Variants in SEC16B observed in about 807,000 individuals in gnomAD.
SEC16B encodes the protein SEC16 homolog B, endoplasmic reticulum export factor.
Under a neutral mutation model 141.8 loss-of-function variants are expected in SEC16B, and 115 were observed. That is an observed-to-expected ratio of 0.81 (90% confidence interval 0.70 to 0.95). The LOEUF is 0.95. SEC16B is among the 40% of genes least tolerant of loss of function. The pLI is 0.00. For synonymous variants in SEC16B, 493 were observed against 492.5 expected, an observed-to-expected ratio of 1.00 and a Z score of -0.01; for missense variants, 1,291 against 1,312.3, an observed-to-expected ratio of 0.98 and a Z score of 0.25.
At chr1:177,951,201 T>C (rs540312030) in intron 12 of SEC16B, among the ~76,000 whole-genome samples, 18 of 152,186 alleles carry the variant, frequency 1.2e-4, no homozygotes, top group Non-Finnish European at 2.4e-4. Flanking sequence ...TTGAAGGATA[T>C]AATCCAAGAA....
rs529645104 is a variant in SEC16B, at chr1:177,961,487, G to A, written c.787+103C>T. On this transcript the variant is annotated intron_variant, in intron 6 of 25. Coordinates refer to ENST00000308284, the MANE Select transcript of SEC16B (RefSeq NM_033127.4). ...GCCCAGGTGACCTACATAAGCAAATGAGGTGGACAATGATCCATCGTAAGG... is the reference window on the plus strand; with the variant it reads ...GCCCAGGTGACCTACATAAGCAAATAAGGTGGACAATGATCCATCGTAAGG... 12 of 1,284,320 alleles carry A rather than the reference G, an allele frequency of 9.3e-6. No homozygotes were observed. In the East Asian group the frequency reaches 2.9e-4, roughly 31 times the overall value. 79.6% of individuals were successfully genotyped at this position (1,284,320 alleles called of 1,614,324 possible).
intron 1 of SEC16B, among the ~76,000 whole-genome samples, chr1:177,968,309 A>G (rs1477123404): frequency 6.6e-6 from 1 of 152,220 alleles, no homozygotes; most frequent in African/African-American, 2.4e-5. Context: ...GATAACAATA[A>G]TAGGTACAGC....
intron 1 of SEC16B, 32 bp from the exon 2 acceptor site, chr1:177,968,071 A>T (rs1243411889): frequency 3.8e-6 from 5 of 1,298,800 alleles, no homozygotes; most frequent in Non-Finnish European, 5.2e-6. Flanking sequence ...AAAAATCATC[A>T]CTTGAAGCCT....
At chr1:177,973,612 G>T (rs145144085), upstream of SEC16B, among the ~76,000 whole-genome samples, 326 of 152,292 alleles carry the variant, frequency 2.1e-3, 1 homozygote, top group African/African-American at 7.3e-3. Flanking sequence ...ACTGTGCTCA[G>T]TCTGCTTTTC....
At chr1:177,960,704 C>T in intron 7 of SEC16B, 87 bp downstream of exon 7, 1 of 1,417,454 alleles carries the variant, frequency 7.1e-7, no homozygotes, top group Non-Finnish European at 9.5e-7. Context: ...GATGCCCCGG[C>T]TCAGGCACAG....
rs10715123 is a variant in SEC16B, at chr1:177,950,151, TAAA to T, written c.1545+1760_1545+1762del. 3.8e-4 allele frequency among the ~76,000 whole-genome samples: 57 copies of T among 149,444 alleles called. 1 individual carries two copies. The Middle Eastern group carries it at 0.01, about 27-fold the overall frequency. Reference sequence around the variant, plus strand: ...AATTAGCCACAAGCCATAAGAAGGATAAAAAAAAAAAATGAAAAGTGTGAGGTC... The same window carrying T: ...AATTAGCCACAAGCCATAAGAAGGATAAAAAAAAATGAAAAGTGTGAGGTC... On this transcript the variant is annotated intron_variant, in intron 12 of 25. Coordinates refer to ENST00000308284, the MANE Select transcript of SEC16B (RefSeq NM_033127.4).
rs771531066 is a variant in SEC16B at position 177,954,322 on chromosome 1, A to G, written c.1420T>C (p.Ser474Pro). The stretch of plus-strand genomic sequence containing the variant: ...TAGGTCTGTGGGTCCATCTTGCTGG[A>G]CAGGAACAAAGCATGGCCCCACAAG... ...NHLWGHALFL[S>P]SKMDPQTYSW... Residue 474 changes from serine (S) to proline (P), a missense_variant, in exon 11 of 26, where the codon TCC becomes CCC. By Grantham distance (74) the Ser-to-Pro change is moderately conservative (BLOSUM62 -1). This residue lies in a region of SEC16B where 681 missense variants were observed against 675.5 expected (regional missense o/e 1.01). Coordinates refer to ENST00000308284, the MANE Select transcript of SEC16B (RefSeq NM_033127.4). 3.2e-6 allele frequency: 5 copies of G among 1,574,484 alleles called. No individual in the cohort carries two copies. Among genetic ancestry groups the G allele is most frequent in the Admixed American group, 1.8e-5 (1 of 54,696 alleles).
intron 18 of SEC16B, among the ~76,000 whole-genome samples, chr1:177,938,893 G>T (rs147808388): frequency 6.6e-6 from 1 of 152,218 alleles, no homozygotes; most frequent in African/African-American, 2.4e-5. Context: ...AAACTAAGGT[G>T]TGGACCTATA....
At chr1:177,944,499 C>CA in intron 15 of SEC16B, 62 bp downstream of exon 15, 3 of 1,371,000 alleles carry the variant, frequency 2.2e-6, no homozygotes, top group Non-Finnish European at 3.1e-6. Context: ...AGCAAAGCTG[C>CA]AAATACAGCT....
chr1:177,948,390 C>T (rs1651906124), intron 12 of SEC16B: 1 of 1,304,724 alleles, frequency 7.7e-7, no homozygotes, highest in East Asian at 5.5e-5. Context: ...AATGTCTTAC[C>T]AAATGCCTAT....
chr1:177,936,773 C>A (rs1269906879), intron 19 of SEC16B, among the ~76,000 whole-genome samples: 2 of 152,202 alleles, frequency 1.3e-5, no homozygotes, highest in Non-Finnish European at 2.9e-5. Context: ...CATACTCAGC[C>A]CTTGTTGTCG....
At chr1:177,944,440 T>C (rs112056069) in intron 15 of SEC16B, 121 bp downstream of exon 15, 11,537 of 727,678 alleles carry the variant, frequency 0.016, 148 homozygotes, top group South Asian at 0.018. Flanking sequence ...CTTAAGCTAA[T>C]GAGGAAAAGT....
intron 12 of SEC16B, chr1:177,948,430 C>T: frequency 7.7e-7 from 1 of 1,304,344 alleles, no homozygotes; most frequent in Non-Finnish European, 1.0e-6. Context: ...CCCATTCACA[C>T]ACATCCTCTT....
chr1:177,957,460 G>T (rs1296355607), intron 10 of SEC16B, among the ~76,000 whole-genome samples: 1 of 151,934 alleles, frequency 6.6e-6, no homozygotes, highest in Non-Finnish European at 1.5e-5. Context: ...TATATGCATG[G>T]GAAAATGCTG....
intron 5 of SEC16B, 21 bp from the exon 6 acceptor site, chr1:177,961,755 C>T (rs1156570972): frequency 6.2e-7 from 1 of 1,611,878 alleles, no homozygotes; most frequent in Non-Finnish European, 8.5e-7. Flanking sequence ...AAAACAAAAA[C>T]ACACAGGAAG....
intron 1 of SEC16B, among the ~76,000 whole-genome samples, chr1:177,982,599 C>G (rs1296881802): frequency 6.6e-6 from 1 of 152,218 alleles, no homozygotes; most frequent in Non-Finnish European, 1.5e-5. Flanking sequence ...TCTCCTACAA[C>G]TTCCAAAGTC....
At chr1:177,944,781 G>A in intron 14 of SEC16B, 115 bp from the exon 15 acceptor site, 1 of 785,404 alleles carries the variant, frequency 1.3e-6, no homozygotes, top group Admixed American at 2.5e-5. Flanking sequence ...TCCATCCTGG[G>A]CTGATGCCTG....
intron 15 of SEC16B, among the ~76,000 whole-genome samples, chr1:177,943,214 G>A (rs1324113751): frequency 2.0e-5 from 3 of 152,194 alleles, no homozygotes; most frequent in South Asian, 2.1e-4. Context: ...AGAGCCGGTC[G>A]AGGAACTGCA....
intron 1 of SEC16B, among the ~76,000 whole-genome samples, chr1:177,975,685 C>A (rs552823330): frequency 6.6e-6 from 1 of 152,306 alleles, no homozygotes; most frequent in South Asian, 2.1e-4. Context: ...GTATTTCCAG[C>A]AACATCTGAT....
Sources: gnomAD v4.1 joint callset for allele counts (sites outside exome capture counted in the v4.1 genomes callset) on GRCh38, gnomAD v4.1.1 for gene constraint, gnomAD v4.1.1 regional missense constraint, MANE v1.5 for transcripts, NCBI Gene and HGNC (gene_info 2026-07-23, HGNC 2026-07-21) for gene names.